PLCL1: variants seen among roughly 807,000 people sequenced by gnomAD.
The protein encoded by PLCL1 is inactive phospholipase C-like protein 1.
PLCL1 carries 41 observed loss-of-function variants against 84.4 expected under a neutral mutation model. That is an observed-to-expected ratio of 0.49 (90% CI 0.38 to 0.63). The LOEUF is 0.63. PLCL1 is among the 30% of genes least tolerant of loss of function. PLCL1 has a pLI of 0.00. For synonymous variants in PLCL1, 490 were observed against 488.3 expected, an observed-to-expected ratio of 1.00 and a Z score of -0.05; for missense variants, 1,206 against 1,367.8, an observed-to-expected ratio of 0.88 and a Z score of 1.87.
Position 198,086,154 on chromosome 2 carries a change from T to C in PLCL1, c.2637T>C (p.Gly879=). 1 of 1,613,800 alleles carries C rather than the reference T, an allele frequency of 6.2e-7. No homozygotes were observed. Among genetic ancestry groups the C allele is most frequent in the African/African-American group, 1.3e-5 (1 of 74,992 alleles). The change falls in exon 2 of 6, where the codon GGT becomes GGC. Residue 879 remains glycine, a synonymous_variant. Transcript: ENST00000428675. Reference sequence around the variant, plus strand: ...AATATACCATGCTCAGGAATATCGGTCTTAAAACCATTGATGACATCTTTA... The same window carrying C: ...AATATACCATGCTCAGGAATATCGGCCTTAAAACCATTGATGACATCTTTA... ...VREYTMLRNI[G]LKTIDDIFKI... is the part of the protein sequence containing the mutation.
chr2:197,909,437 C>A (rs981156255), intron 1 of PLCL1, among the ~76,000 whole-genome samples: 14 of 151,926 alleles, frequency 9.2e-5, no homozygotes, highest in African/African-American at 2.7e-4. Context: ...GTTCTGAGAA[C>A]CTCCCCTAGG....
At position 198,085,038 on chromosome 2, in the gene PLCL1, G is replaced by T; in HGVS notation, c.1521G>T (p.Met507Ile). The T allele has an allele frequency of 6.2e-7, 1 of 1,613,910 alleles. No homozygotes were observed. The highest frequency in any genetic ancestry group is 2.2e-5 in the East Asian group (1 of 44,886). ...LPQQKVMAQQ[M>I]KKVFGNKLYT... ...AGCAGAAGGTAATGGCTCAACAGAT[G>T]AAAAAGGTCTTTGGCAATAAACTCT... Residue 507 changes from methionine to isoleucine, a missense_variant, in exon 2 of 6, where the codon ATG becomes ATT. Physicochemically the swap from Met to Ile is conservative, Grantham distance 10. Transcript: ENST00000428675. The surrounding 1 kb of genome is among the most constrained non-coding windows in gnomAD (Gnocchi z 5.3).
intron 1 of PLCL1, among the ~76,000 whole-genome samples, chr2:198,067,347 C>T (rs1165016939): frequency 2.6e-5 from 4 of 152,012 alleles, no homozygotes; most frequent in Admixed American, 2.0e-4. Flanking sequence ...AGGCTGGTCT[C>T]GAACTCCTAA....
chr2:197,974,791 C>T (rs1337636801), intron 1 of PLCL1, among the ~76,000 whole-genome samples: 10 of 152,332 alleles, frequency 6.6e-5, no homozygotes, highest in African/African-American at 1.9e-4. Context: ...ATCTCAGCTG[C>T]GCTGTCAGAA....
rs111623157 is a variant in PLCL1 at position 197,947,360 on chromosome 2, T to C, written c.241-136398T>C. ...TTAAAACACAGATTGTTTGGCCCTG[T>C]CCCCAGAGTTTCTAATTCAGTAGGG... On this transcript the variant is annotated intron_variant, in intron 1 of 5. Transcript: ENST00000428675. 7.9e-5 allele frequency among the ~76,000 whole-genome samples: 12 copies of C among 151,914 alleles called. 1 individual carries two copies. Among genetic ancestry groups the C allele is most frequent in the African/African-American group, 2.9e-4 (12 of 41,436 alleles).
intron 1 of PLCL1, among the ~76,000 whole-genome samples, chr2:197,965,367 T>C (rs1281761467): frequency 1.3e-5 from 2 of 152,126 alleles, no homozygotes; most frequent in African/African-American, 2.4e-5. Flanking sequence ...CATAGCAGCC[T>C]CTCATGGTCT....
chr2:197,959,082 C>T (rs1689554627), intron 1 of PLCL1, among the ~76,000 whole-genome samples: 2 of 151,870 alleles, frequency 1.3e-5, no homozygotes, highest in African/African-American at 4.8e-5. Flanking sequence ...GTGTGTGTGC[C>T]CCAAACTAGC....
chr2:198,144,394 A>T (rs3771370), intron 5 of PLCL1, among the ~76,000 whole-genome samples: 39,497 of 152,082 alleles, frequency 0.26, 6,420 homozygotes, highest in East Asian at 0.54. Flanking sequence ...GTACATATAC[A>T]TTATACATAT....
intron 1 of PLCL1, among the ~76,000 whole-genome samples, chr2:198,052,987 G>A (rs1258127976): frequency 6.6e-6 from 1 of 152,132 alleles, no homozygotes; most frequent in Non-Finnish European, 1.5e-5. Flanking sequence ...TAGCTGAAGG[G>A]CAACTGACAA....
intron 1 of PLCL1, among the ~76,000 whole-genome samples, chr2:198,057,837 A>G (rs958819389): frequency 4.6e-5 from 7 of 152,270 alleles, no homozygotes; most frequent in Admixed American, 4.6e-4. Context: ...TTCCAAGGGA[A>G]GATACACTTA....
intron 5 of PLCL1, among the ~76,000 whole-genome samples, chr2:198,114,629 A>G (rs1693694991): frequency 6.6e-6 from 1 of 151,856 alleles, no homozygotes; most frequent in Admixed American, 6.6e-5. Context: ...GAAAGAAAAC[A>G]TTGATAACCA....
At chr2:198,031,532 C>T (rs1236506240) in intron 1 of PLCL1, among the ~76,000 whole-genome samples, 2 of 151,822 alleles carry the variant, frequency 1.3e-5, no homozygotes, top group African/African-American at 4.8e-5. Context: ...CTTCTGCCAC[C>T]CATGCTGGAA....
intron 1 of PLCL1, among the ~76,000 whole-genome samples, chr2:197,971,147 T>G (rs2105797351): frequency 6.6e-6 from 1 of 152,370 alleles, no homozygotes; most frequent in East Asian, 1.9e-4. Flanking sequence ...TTTTATTTCT[T>G]TTCCAATATC....
At position 197,899,536 on chromosome 2, in the gene PLCL1, T is replaced by A. The variant is rs75497164; in HGVS notation, c.240+94197T>A. 9.3e-3 allele frequency among the ~76,000 whole-genome samples: 1,421 copies of A among 152,272 alleles called. 26 individuals are homozygous for A. Among genetic ancestry groups the A allele is most frequent in the African/African-American group, 0.033 (1,352 of 41,542 alleles). On this transcript the variant is annotated intron_variant, in intron 1 of 5. Coordinates refer to ENST00000428675, the MANE Select transcript of PLCL1 (RefSeq NM_006226.4). ...TTAATTAAATGAAGTCTTCAGCTAGTATAATCTGATGGGCTATAGAGTTTT... is the reference window on the plus strand; with the variant it reads ...TTAATTAAATGAAGTCTTCAGCTAGAATAATCTGATGGGCTATAGAGTTTT...
chr2:198,007,295 C>T (rs535239344), intron 1 of PLCL1, among the ~76,000 whole-genome samples: 94 of 152,178 alleles, frequency 6.2e-4, no homozygotes, highest in African/African-American at 2.2e-3. Context: ...TAGAAATTGG[C>T]AACTAAAAAT....
intron 1 of PLCL1, among the ~76,000 whole-genome samples, chr2:198,058,486 A>G (rs1455091116): frequency 6.6e-6 from 1 of 152,002 alleles, no homozygotes; most frequent in Non-Finnish European, 1.5e-5. Flanking sequence ...GTGCCATTTA[A>G]TAAGATCAAA....
chr2:197,816,868 C>T (rs564269043), intron 1 of PLCL1, among the ~76,000 whole-genome samples: 114 of 152,218 alleles, frequency 7.5e-4, no homozygotes, highest in African/African-American at 2.6e-3. Context: ...GAAATTCTGT[C>T]TGATCAATTA....
At chr2:197,890,295 G>A (rs571222444) in intron 1 of PLCL1, among the ~76,000 whole-genome samples, 19 of 152,168 alleles carry the variant, frequency 1.2e-4, no homozygotes, top group East Asian at 9.6e-4. Context: ...TTAAATATTC[G>A]TATGAATCCC....
At chr2:198,035,501 T>G (rs1691534905) in intron 1 of PLCL1, among the ~76,000 whole-genome samples, 1 of 152,120 alleles carries the variant, frequency 6.6e-6, no homozygotes. Flanking sequence ...TTGTTTTTGG[T>G]TTTTTTCCAT....
Sources: allele counts gnomAD v4.1 joint callset (sites outside exome capture counted in the v4.1 genomes callset), GRCh38; gene constraint gnomAD v4.1.1; non-coding constraint Gnocchi (gnomAD v3.1); transcripts MANE v1.5; gene names NCBI Gene and HGNC (gene_info 2026-07-23, HGNC 2026-07-21).